Variants in TPO observed in about 807,000 individuals in gnomAD.
TPO encodes the protein thyroid peroxidase.
TPO carries 78 observed loss-of-function variants against 96.9 expected under a neutral mutation model. The observed-to-expected ratio is 0.81, with a 90% CI of 0.67 to 0.97. The LOEUF is 0.97. Among genes scored for constraint, TPO ranks in the 50% least tolerant of loss-of-function variants. The probability of loss-of-function intolerance (pLI) is 0.00; values close to 1 mark genes in which losing one functional copy is unlikely to be tolerated. For synonymous variants in TPO, 547 were observed against 538.0 expected (o/e 1.02, Z -0.23); for missense variants, 1,252 against 1,274.8 (o/e 0.98, Z 0.27).
Position 1,477,081 on chromosome 2 carries a change from T to C in TPO, c.820-5T>C. ...GGGTGACCTTGAACTCCCCTTTGCC[T>C]GCAGCTCCCGGAGGAGGCCCGGCCG... On this transcript the variant is annotated splice_polypyrimidine_tract_variant and splice_region_variant and intron_variant, in intron 7 of 16. Transcript: ENST00000329066. 1.2e-6 allele frequency: 2 copies of C among 1,601,050 alleles called. No individual in the cohort carries two copies. Among genetic ancestry groups the C allele is most frequent in the African/African-American group, 1.3e-5 (1 of 74,932 alleles).
At chr2:1,437,999 GA>G (rs1665760152) in intron 5 of TPO, among the ~76,000 whole-genome samples, 1 of 152,114 alleles carries the variant, frequency 6.6e-6, no homozygotes, top group Non-Finnish European at 1.5e-5. Context: ...TGCACGGCTG[GA>G]GGGACCAGGC....
At chr2:1,420,989 G>A (rs1049513092) in intron 2 of TPO, among the ~76,000 whole-genome samples, 23 of 152,128 alleles carry the variant, frequency 1.5e-4, no homozygotes, top group Admixed American at 4.6e-4. Context: ...GGAGGATGGC[G>A]TGACTCAGGA....
chr2:1,538,243 TAGTA>T (rs151144162), intron 15 of TPO, among the ~76,000 whole-genome samples: 2,166 of 152,196 alleles, frequency 0.014, 44 homozygotes, highest in African/African-American at 0.05. Context: ...ATGTCTCAAT[TAGTA>T]AGAGTGCAGT....
intron 1 of TPO, among the ~76,000 whole-genome samples, chr2:1,394,376 C>T (rs1332718606): frequency 6.6e-6 from 1 of 152,216 alleles, no homozygotes; most frequent in Non-Finnish European, 1.5e-5. Context: ...TTCGATGCCG[C>T]CTGCACTGAG....
chr2:1,458,302 CAT>C lies in TPO; in HGVS notation c.819+2021_819+2022del, dbSNP rs571965055. On this transcript the variant is annotated intron_variant, in intron 7 of 16. Transcript: ENST00000329066. ...TAGCATATAAGACAGTGTGTGGACA[CAT>C]GTGTATATAGTATATAAGATAATAT... Among the ~76,000 whole-genome samples, 95 of 150,284 alleles carry C rather than the reference CAT, an allele frequency of 6.3e-4. 3 individuals carry two copies. The East Asian group carries it at 0.012, about 18-fold the overall frequency.
intron 9 of TPO, among the ~76,000 whole-genome samples, chr2:1,485,304 AC>A (rs1227615234): frequency 2.6e-5 from 4 of 152,096 alleles, no homozygotes; most frequent in Non-Finnish European, 5.9e-5. Flanking sequence ...CCAGTCTAGC[AC>A]TGATGGACAT....
At chr2:1,538,527 G>A (rs570347089) in intron 15 of TPO, among the ~76,000 whole-genome samples, 1 of 152,232 alleles carries the variant, frequency 6.6e-6, no homozygotes, top group East Asian at 1.9e-4. Flanking sequence ...AAATAAGCAT[G>A]GTGCTTATAA....
chr2:1,382,734 A>AT (rs1410953246), intron 1 of TPO, among the ~76,000 whole-genome samples: 12 of 151,940 alleles, frequency 7.9e-5, no homozygotes, highest in African/African-American at 2.4e-4. Context: ...TAATATATAT[A>AT]TTTTTTATTA....
chr2:1,503,355 C>T lies in TPO; in HGVS notation c.2387-593C>T, dbSNP rs137860331. On this transcript the variant is annotated intron_variant, in intron 13 of 16. Coordinates refer to ENST00000329066, the MANE Select transcript of TPO (RefSeq NM_001206744.2). Reference sequence around the variant, plus strand: ...TGTAGAGAAGACCTGTGACACGCTACAGCTTCTTTTCTAAAACTGGCCAGA... The same window carrying T: ...TGTAGAGAAGACCTGTGACACGCTATAGCTTCTTTTCTAAAACTGGCCAGA... Among the ~76,000 whole-genome samples, 503 of 152,354 alleles carry T rather than the reference C, an allele frequency of 3.3e-3. 5 individuals carry two copies. Among genetic ancestry groups the T allele is most frequent in the African/African-American group, 0.012 (480 of 41,582 alleles).
chr2:1,432,655 A>G (rs1573158181), intron 3 of TPO, among the ~76,000 whole-genome samples: 2 of 60,648 alleles, frequency 3.3e-5, no homozygotes, highest in African/African-American at 7.3e-5. Flanking sequence ...AGGTGAGGAG[A>G]GGCCTGCAGG....
intron 8 of TPO, among the ~76,000 whole-genome samples, chr2:1,480,845 C>CCCTCCTCCTTCATCCGTCCAA (rs1670564249): frequency 7.6e-6 from 1 of 130,968 alleles, no homozygotes; most frequent in Non-Finnish European, 1.7e-5. Context: ...CGTCTGTCCT[C>CCCTCCTCCTTCATCCGTCCAA]ACCATACCCA....
chr2:1,484,979 A>T, intron 9 of TPO, 125 bp downstream of exon 9: 1 of 1,439,442 alleles, frequency 6.9e-7, no homozygotes, highest in Non-Finnish European at 9.4e-7. Context: ...CGTAGGGTAT[A>T]CATGTGCCAT....
At chr2:1,538,120 C>CCCT (rs1680284893) in intron 15 of TPO, among the ~76,000 whole-genome samples, 1 of 110,990 alleles carries the variant, frequency 9.0e-6, no homozygotes, top group African/African-American at 3.4e-5. Context: ...CTCAAATCCC[C>CCCT]GCACTGTGTT....
At chr2:1,419,630 C>T (rs1188292524) in intron 2 of TPO, among the ~76,000 whole-genome samples, 2 of 152,220 alleles carry the variant, frequency 1.3e-5, no homozygotes, top group Non-Finnish European at 2.9e-5. Flanking sequence ...TCTGCAGCCC[C>T]GGCCTCCCTT....
chr2:1,522,788 CCA>C (rs1489664439), intron 15 of TPO, among the ~76,000 whole-genome samples: 11 of 143,138 alleles, frequency 7.7e-5, no homozygotes, highest in African/African-American at 2.9e-4. Context: ...TCCTCAAATC[CCA>C]CCACTGTGTG....
At chr2:1,430,370 C>T (rs1664856191) in intron 3 of TPO, among the ~76,000 whole-genome samples, 1 of 152,216 alleles carries the variant, frequency 6.6e-6, no homozygotes, top group Admixed American at 6.5e-5. Flanking sequence ...GTAGCTTCCC[C>T]TAGATTTCAG....
chr2:1,456,227 G>A lies in TPO; in HGVS notation c.764G>A (p.Gly255Glu). The A allele has an allele frequency of 6.2e-7, 1 of 1,614,140 alleles. No individual in the cohort carries two copies. The highest frequency in any genetic ancestry group is 8.5e-7 in the Non-Finnish European group (1 of 1,180,038). The change falls in exon 7 of 17, where the codon GGA becomes GAA. Residue 255 changes from glycine (G) to glutamate (E), a missense_variant. Transcript: ENST00000329066. ...AGCACCAGCAAAGCTGCCTTCGGGG[G>A]AGGGGCTGACTGCCAGATGACTTGT... ...PQSTSKAAFG[G>E]GADCQMTCEN...
rs1322354834 is a variant in TPO, at chr2:1,530,787, C to G, written c.2619-9807C>G. Among the ~76,000 whole-genome samples, 48 of 115,336 alleles carry G rather than the reference C, an allele frequency of 4.2e-4. 14 individuals carry two copies. Among genetic ancestry groups the G allele is most frequent in the Admixed American group, 1.4e-3 (14 of 10,310 alleles). The allele number at this position is 115,336 out of a possible 152,430, so 75.7% of individuals were successfully genotyped here. On this transcript the variant is annotated intron_variant, in intron 15 of 16. Coordinates refer to ENST00000329066, the MANE Select transcript of TPO (RefSeq NM_001206744.2). The stretch of plus-strand genomic sequence containing the variant: ...CCTCAAATCCCCCCATGGGGGGCAA[C>G]GTCCTCAAATCCCCCGACTGTGTGC...
At chr2:1,463,796 C>T (rs990374123) in intron 7 of TPO, among the ~76,000 whole-genome samples, 4 of 152,170 alleles carry the variant, frequency 2.6e-5, no homozygotes, top group African/African-American at 9.7e-5. Context: ...ATGAATGTAT[C>T]GACAACCTCA....
Sources: allele counts gnomAD v4.1 joint callset (sites outside exome capture counted in the v4.1 genomes callset), GRCh38; gene constraint gnomAD v4.1.1; transcripts MANE v1.5; gene names NCBI Gene and HGNC (gene_info 2026-07-23, HGNC 2026-07-21).